ME2: variants seen among roughly 807,000 people sequenced by gnomAD.
ME2 encodes malic enzyme 2.
Under a neutral mutation model 73.7 loss-of-function variants are expected in ME2, and 60 were observed. That is an observed-to-expected ratio of 0.81 (90% CI 0.66 to 1.01). The LOEUF is 1.01. ME2 is among the 50% of genes least tolerant of loss of function. The probability of loss-of-function intolerance (pLI) is 0.00; values close to 1 mark genes in which losing one functional copy is unlikely to be tolerated. For missense variants in ME2, 594 were observed against 705.5 expected, an observed-to-expected ratio of 0.84 and a Z score of 1.79; for synonymous variants, 199 against 236.9, an observed-to-expected ratio of 0.84 and a Z score of 1.47.
intron 12 of ME2, among the ~76,000 whole-genome samples, chr18:50,928,513 C>T (rs755779142): frequency 1.3e-5 from 2 of 152,184 alleles, no homozygotes; most frequent in Non-Finnish European, 2.9e-5. Flanking sequence ...GCTGGGATTA[C>T]AGGCATGAGC....
chr18:50,898,869 C>T (rs686210), intron 2 of ME2, among the ~76,000 whole-genome samples: 103,981 of 152,112 alleles, frequency 0.68, 35,972 homozygotes, highest in African/African-American at 0.79. Context: ...CCTTAGTTTT[C>T]TTCATGTAAA....
chr18:50,935,222 A>G (rs1212293041), intron 13 of ME2: 1 of 152,148 alleles, frequency 6.6e-6, no homozygotes, highest in Non-Finnish European at 1.5e-5. Flanking sequence ...ATTTTCAAGT[A>G]CAACCTAAGT....
At chr18:50,936,026 C>G (rs922885286) in intron 13 of ME2, among the ~76,000 whole-genome samples, 15 of 151,838 alleles carry the variant, frequency 9.9e-5, no homozygotes, top group African/African-American at 3.6e-4. Flanking sequence ...TCAAAAAGCT[C>G]ACAGAAACCC....
chr18:50,927,810 ATT>A (rs545334028), intron 12 of ME2, among the ~76,000 whole-genome samples: 35,619 of 71,962 alleles, frequency 0.49, 6,620 homozygotes, highest in South Asian at 0.61. Context: ...TTGTCATTTA[ATT>A]TTTTTTTTTT....
At chr18:50,941,086 C>A (rs754500293) in intron 15 of ME2, among the ~76,000 whole-genome samples, 3 of 151,136 alleles carry the variant, frequency 2.0e-5, no homozygotes, top group Non-Finnish European at 4.4e-5. Context: ...GGTGAAACCC[C>A]GTCTCTACTA....
At chr18:50,908,518 A>G (rs963609198) in intron 3 of ME2, among the ~76,000 whole-genome samples, 4 of 152,220 alleles carry the variant, frequency 2.6e-5, no homozygotes, top group African/African-American at 9.7e-5. Context: ...TGTGTTTGAC[A>G]CTGTACCAGC....
intron 15 of ME2, among the ~76,000 whole-genome samples, chr18:50,940,819 G>GT (rs921346288): frequency 2.0e-5 from 3 of 151,988 alleles, no homozygotes; most frequent in African/African-American, 7.3e-5. Flanking sequence ...TTAATATATT[G>GT]TAAGTCTTTT....
intron 3 of ME2, among the ~76,000 whole-genome samples, chr18:50,910,295 C>T (rs1476648900): frequency 7.4e-6 from 1 of 135,602 alleles, no homozygotes; most frequent in Non-Finnish European, 1.5e-5. Flanking sequence ...AAAAAAAAGC[C>T]AGGCATGGTG....
rs71171364 is a variant in ME2, at chr18:50,908,956, CTT to C, written c.242+774_242+775del. On this transcript the variant is annotated intron_variant, in intron 3 of 15. Transcript: ENST00000321341. Reference sequence around the variant, plus strand: ...GCGCCTGGACTTTTTCTTTTCTTTTCTTTTTTTTTTTTTTTGAGACAGGGTCT... The same window carrying C: ...GCGCCTGGACTTTTTCTTTTCTTTTCTTTTTTTTTTTTTGAGACAGGGTCT... 6.4e-3 allele frequency among the ~76,000 whole-genome samples: 821 copies of C among 127,304 alleles called. 3 individuals are homozygous for C. The highest frequency in any genetic ancestry group is 0.01 in the Admixed American group (126 of 12,368). The allele number at this position is 127,304 out of a possible 152,430, so 83.5% of individuals were successfully genotyped here. A position where few individuals can be genotyped will look rare whatever the true frequency, so the allele number is the denominator to read the frequency against.
At chr18:50,909,878 C>T (rs543280004) in intron 3 of ME2, among the ~76,000 whole-genome samples, 3 of 151,996 alleles carry the variant, frequency 2.0e-5, no homozygotes, top group Admixed American at 6.6e-5. Context: ...GGGTCAAATG[C>T]GGAGATAGAG....
intron 3 of ME2, among the ~76,000 whole-genome samples, chr18:50,911,704 G>A (rs1917161364): frequency 6.6e-6 from 1 of 152,176 alleles, no homozygotes; most frequent in Admixed American, 6.6e-5. Flanking sequence ...GCAAGTCCAG[G>A]TTGAGTTGTG....
At chr18:50,918,553 AT>A (rs1405960171) in intron 7 of ME2, among the ~76,000 whole-genome samples, 8 of 152,254 alleles carry the variant, frequency 5.3e-5, no homozygotes, top group African/African-American at 1.9e-4. Flanking sequence ...CAGCTTTTGT[AT>A]TTTAAGTTCT....
At chr18:50,900,780 GC>G (rs1296447921) in intron 2 of ME2, among the ~76,000 whole-genome samples, 1 of 152,030 alleles carries the variant, frequency 6.6e-6, no homozygotes, top group Non-Finnish European at 1.5e-5. Context: ...AGATCTGGTG[GC>G]TTTATAAGGG....
At chr18:50,919,494 C>T (rs1255172688) in intron 7 of ME2, among the ~76,000 whole-genome samples, 1 of 152,130 alleles carries the variant, frequency 6.6e-6, no homozygotes, top group East Asian at 1.9e-4. Flanking sequence ...CAAATAGTAC[C>T]TTCTTAGTTA....
intron 1 of ME2, among the ~76,000 whole-genome samples, chr18:50,881,690 T>A (rs1916328320): frequency 6.6e-6 from 1 of 152,196 alleles, no homozygotes; most frequent in Non-Finnish European, 1.5e-5. Flanking sequence ...ATTATCCTTA[T>A]AGCCTCTTAT....
chr18:50,906,163 T>C (rs972112874), intron 2 of ME2, among the ~76,000 whole-genome samples: 3 of 152,138 alleles, frequency 2.0e-5, no homozygotes, highest in African/African-American at 7.2e-5. Flanking sequence ...ATCTAGTAAG[T>C]ACAATGTTTA....
intron 1 of ME2, among the ~76,000 whole-genome samples, chr18:50,894,220 A>G (rs1568159981): frequency 6.6e-6 from 1 of 152,228 alleles, no homozygotes; most frequent in Non-Finnish European, 1.5e-5. Context: ...TTACTTGCAA[A>G]CTGGAGTGTT....
chr18:50,925,951 A>AT (rs1217686884), intron 12 of ME2, 53 bp downstream of exon 12: 1 of 1,271,246 alleles, frequency 7.9e-7, no homozygotes, highest in Non-Finnish European at 1.1e-6. Flanking sequence ...CCACTAGCTT[A>AT]TTAGTTATAC....
chr18:50,940,901 C>T (rs1917934262), intron 15 of ME2, among the ~76,000 whole-genome samples: 2 of 151,994 alleles, frequency 1.3e-5, no homozygotes, highest in African/African-American at 4.8e-5. Flanking sequence ...ATTATTTTTT[C>T]AAAATTTGTT....
Sources: gnomAD v4.1 joint callset for allele counts (sites outside exome capture counted in the v4.1 genomes callset) on GRCh38, gnomAD v4.1.1 for gene constraint, MANE v1.5 for transcripts, NCBI Gene and HGNC (gene_info 2026-07-23, HGNC 2026-07-21) for gene names.